Variants in ESRRG observed in about 807,000 individuals in gnomAD.
The protein encoded by ESRRG is estrogen-related receptor gamma.
Under a neutral mutation model 44.0 loss-of-function variants are expected in ESRRG, and 13 were observed. The observed-to-expected ratio is 0.30, with a 90% confidence interval of 0.19 to 0.47. The LOEUF (loss-of-function observed/expected upper bound fraction) is 0.47, where lower values mean the gene tolerates loss of function less well. Among genes scored for constraint, ESRRG ranks in the 20% least tolerant of loss-of-function variants. The pLI, the probability that ESRRG is intolerant of heterozygous loss-of-function variation, is 1.00. For missense variants in ESRRG, 395 were observed against 580.6 expected (o/e 0.68, Z 3.29); for synonymous variants, 215 against 214.6 (o/e 1.00, Z -0.02).
intron 1 of ESRRG, among the ~76,000 whole-genome samples, chr1:216,949,713 T>C (rs931871063): frequency 2.0e-5 from 3 of 152,182 alleles, no homozygotes; most frequent in African/African-American, 7.2e-5. Context: ...CTACAACAAA[T>C]GAGCAAGAAA....
intron 5 of ESRRG, among the ~76,000 whole-genome samples, chr1:216,558,984 C>T (rs1476261018): frequency 6.6e-6 from 1 of 152,018 alleles, no homozygotes; most frequent in African/African-American, 2.4e-5. Flanking sequence ...ATTCTCCTGC[C>T]TCAGCCTCCT....
chr1:216,998,693 A>T (rs2076664774), intron 1 of ESRRG, among the ~76,000 whole-genome samples: 1 of 152,244 alleles, frequency 6.6e-6, no homozygotes, highest in South Asian at 2.1e-4. Flanking sequence ...TATTTATAAG[A>T]GATAATTAGA....
chr1:217,038,437 T>C (rs2083294309), intron 1 of ESRRG, among the ~76,000 whole-genome samples: 1 of 152,182 alleles, frequency 6.6e-6, no homozygotes, highest in African/African-American at 2.4e-5. Context: ...ATAGATGGAT[T>C]GTGAAATGAC....
At chr1:217,127,829 G>A (rs377222888) in intron 1 of ESRRG, among the ~76,000 whole-genome samples, 12 of 152,248 alleles carry the variant, frequency 7.9e-5, no homozygotes, top group African/African-American at 1.4e-4. Context: ...TAAGAGCTAC[G>A]TTAAAAAGGA....
intron 2 of ESRRG, among the ~76,000 whole-genome samples, chr1:216,753,878 T>C (rs1006477101): frequency 6.6e-6 from 1 of 152,014 alleles, no homozygotes; most frequent in South Asian, 2.1e-4. Flanking sequence ...ATGCATTGTC[T>C]ACATTTTCTT....
intron 2 of ESRRG, among the ~76,000 whole-genome samples, chr1:216,756,594 T>TTTAAAAGAGTATCTA (rs1258288823): frequency 6.6e-6 from 1 of 152,002 alleles, no homozygotes; most frequent in Admixed American, 6.6e-5. Flanking sequence ...GAGAGATAGC[T>TTTAAAAGAGTATCTA]CATTCTAGCT....
At chr1:216,902,442 C>T (rs1002764226) in intron 2 of ESRRG, among the ~76,000 whole-genome samples, 51 of 150,210 alleles carry the variant, frequency 3.4e-4, no homozygotes, top group African/African-American at 1.2e-3. Flanking sequence ...TGAGCCAGAT[C>T]GCGCCACTGC....
intron 4 of ESRRG, among the ~76,000 whole-genome samples, chr1:216,567,721 T>C (rs1479803350): frequency 6.6e-6 from 1 of 152,224 alleles, no homozygotes. Context: ...ATAAGCTATG[T>C]ATTAATATGC....
intron 3 of ESRRG, among the ~76,000 whole-genome samples, chr1:216,590,582 G>A (rs1202660041): frequency 2.6e-5 from 4 of 152,134 alleles, no homozygotes; most frequent in African/African-American, 7.2e-5. Context: ...TTTCACTTAC[G>A]AAGGACATTA....
chr1:216,720,463 T>TA (rs1230733685), intron 1 of ESRRG, among the ~76,000 whole-genome samples: 1 of 152,100 alleles, frequency 6.6e-6, no homozygotes, highest in African/African-American at 2.4e-5. Context: ...AAAATAAACT[T>TA]AAAGTGTCTG....
chr1:216,607,477 T>A (rs2060084478), intron 3 of ESRRG, among the ~76,000 whole-genome samples: 1 of 152,148 alleles, frequency 6.6e-6, no homozygotes, highest in African/African-American at 2.4e-5. Context: ...TGCTTTATAT[T>A]TGAAAGAAAG....
chr1:216,924,212 A>G (rs1057125737), intron 2 of ESRRG, among the ~76,000 whole-genome samples: 2 of 152,154 alleles, frequency 1.3e-5, no homozygotes, highest in African/African-American at 4.8e-5. Context: ...CATGACTGCT[A>G]CTGCAATGGA....
Position 217,073,840 on chromosome 1 carries a change from G to A in ESRRG, c.-106+15667C>T, listed in dbSNP as rs150891628. Among the ~76,000 whole-genome samples the A allele has an allele frequency of 1.8e-3, 276 of 152,102 alleles. 2 individuals carry two copies. Among genetic ancestry groups the A allele is most frequent in the Middle Eastern group, 0.014 (4 of 294 alleles). On this transcript the variant is annotated intron_variant, in intron 1 of 7. Transcript: ENST00000359162. ...AGAGAAGAGAAGAAGGGAGGGACAC[G>A]AGAGAAGAATGAAAGAATGAGACCC...
intron 2 of ESRRG, among the ~76,000 whole-genome samples, chr1:216,812,390 T>C (rs1304021388): frequency 6.6e-6 from 1 of 152,174 alleles, no homozygotes; most frequent in African/African-American, 2.4e-5. Flanking sequence ...AACCACTCAA[T>C]GGGTAATTTT....
chr1:216,829,006 T>A (rs943713309), intron 2 of ESRRG, among the ~76,000 whole-genome samples: 1 of 152,194 alleles, frequency 6.6e-6, no homozygotes, highest in Admixed American at 6.5e-5. Context: ...ATTAAAGATA[T>A]GAAAAACACT....
intron 2 of ESRRG, among the ~76,000 whole-genome samples, chr1:216,917,254 A>T (rs976058478): frequency 3.3e-5 from 5 of 151,354 alleles, no homozygotes; most frequent in African/African-American, 1.2e-4. Flanking sequence ...AACTGGAACG[A>T]GATCATTTCT....
chr1:216,717,313 GGA>G (rs908821477), intron 1 of ESRRG, among the ~76,000 whole-genome samples: 1 of 151,800 alleles, frequency 6.6e-6, no homozygotes, highest in Non-Finnish European at 1.5e-5. Flanking sequence ...AAAGTAGAGT[GGA>G]GAGATGTGTG....
intron 1 of ESRRG, among the ~76,000 whole-genome samples, chr1:216,978,639 A>G (rs1339217): frequency 0.47 from 70,837 of 151,998 alleles, 17,859 homozygotes; most frequent in East Asian, 0.73. Flanking sequence ...GTACCCCAAT[A>G]CTGTGTGCAG....
chr1:216,975,121 T>C (rs2072591532), intron 1 of ESRRG, among the ~76,000 whole-genome samples: 1 of 152,218 alleles, frequency 6.6e-6, no homozygotes, highest in Non-Finnish European at 1.5e-5. Flanking sequence ...CAGTTAACGT[T>C]GTTATTATCT....
Sources: gnomAD v4.1 joint callset for allele counts (sites outside exome capture counted in the v4.1 genomes callset) on GRCh38, gnomAD v4.1.1 for gene constraint, MANE v1.5 for transcripts, NCBI Gene and HGNC (gene_info 2026-07-23, HGNC 2026-07-21) for gene names.